The following RBFOX3 variants were observed in gnomAD, a reference collection of about 807,000 sequenced individuals.
The protein encoded by RBFOX3 is RNA binding protein fox-1 homolog 3.
A neutral mutation model predicts 48.7 loss-of-function variants in RBFOX3; 17 were observed. The observed-to-expected ratio is 0.35, with a 90% confidence interval of 0.24 to 0.52. The LOEUF (loss-of-function observed/expected upper bound fraction) is 0.52, where lower values mean the gene tolerates loss of function less well. RBFOX3 is among the 20% of genes least tolerant of loss of function. The pLI, the probability that RBFOX3 is intolerant of heterozygous loss-of-function variation, is 0.94. For synonymous variants in RBFOX3, 212 were observed against 209.5 expected (o/e 1.01, Z -0.10); for missense variants, 382 against 497.5 (o/e 0.77, Z 2.21).
intron 3 of RBFOX3, among the ~76,000 whole-genome samples, chr17:79,293,296 C>A (rs1454345204): frequency 1.3e-5 from 2 of 152,070 alleles, no homozygotes; most frequent in Non-Finnish European, 2.9e-5. Context: ...ACATCAAGAC[C>A]GATCTTTGCT....
chr17:79,294,946 C>T (rs546313637), intron 3 of RBFOX3, among the ~76,000 whole-genome samples: 146 of 152,290 alleles, frequency 9.6e-4, no homozygotes, highest in African/African-American at 3.3e-3. Context: ...GGAAGAGATT[C>T]TCTTTTGGGG....
intron 4 of RBFOX3, chr17:79,235,129 A>C (rs2061489352): frequency 1.3e-5 from 2 of 151,968 alleles, no homozygotes; most frequent in South Asian, 4.1e-4. Flanking sequence ...CTTGTATAAT[A>C]ATCTCCCCAA....
At position 79,212,908 on chromosome 17, in the gene RBFOX3, G is replaced by A. The variant is rs746999751; in HGVS notation, c.-34+22858C>T. On this transcript the variant is annotated intron_variant, in intron 4 of 14. Transcript: ENST00000693108. The surrounding 1 kb of genome is among the most constrained non-coding windows in gnomAD (Gnocchi z 4.7). ...CTGGCTCTGTTGCCCAGGCTGGAGT[G>A]CAGTGGCGCAATCTCAGATCACTGC... Among the ~76,000 whole-genome samples, 15 of 152,146 alleles carry A rather than the reference G, an allele frequency of 9.9e-5. No individual in the cohort carries two copies. Among genetic ancestry groups the A allele is most frequent in the Admixed American group, 2.6e-4 (4 of 15,290 alleles).
At chr17:79,314,697 G>A (rs1043891972) in intron 2 of RBFOX3, among the ~76,000 whole-genome samples, 5 of 152,194 alleles carry the variant, frequency 3.3e-5, no homozygotes, top group African/African-American at 9.7e-5. Flanking sequence ...TCAAAGAGGT[G>A]AGTTGCAGGA....
intron 3 of RBFOX3, among the ~76,000 whole-genome samples, chr17:79,296,527 G>C (rs2074362780): frequency 6.6e-6 from 1 of 152,130 alleles, no homozygotes; most frequent in African/African-American, 2.4e-5. Flanking sequence ...GACTGGAGGA[G>C]GGTAGCCCCA....
rs776797202 is a variant in RBFOX3 at position 79,220,736 on chromosome 17, T to C, written c.-34+15030A>G. 3.3e-5 allele frequency among the ~76,000 whole-genome samples: 5 copies of C among 151,450 alleles called. No individual in the cohort carries two copies. Among genetic ancestry groups the C allele is most frequent in the Non-Finnish European group, 5.9e-5 (4 of 67,842 alleles). On this transcript the variant is annotated intron_variant, in intron 4 of 14. Coordinates refer to ENST00000693108, the MANE Select transcript of RBFOX3 (RefSeq NM_001350451.2). This position sits in a 1 kb window ranked among gnomAD's most constrained non-coding sequence, Gnocchi z 5.9. ...CCTCTTGGCTTCAGAGGGTGGGAGATGAGATTTGGAAGGGCCAGAGAGGTG... is the reference window on the plus strand; with the variant it reads ...CCTCTTGGCTTCAGAGGGTGGGAGACGAGATTTGGAAGGGCCAGAGAGGTG...
chr17:79,258,191 G>A lies in RBFOX3; in HGVS notation c.-73-22386C>T, dbSNP rs572454694. 3.3e-5 allele frequency among the ~76,000 whole-genome samples: 5 copies of A among 152,278 alleles called. No homozygotes were observed. The South Asian group carries it at 6.2e-4, about 19-fold the overall frequency. On this transcript the variant is annotated intron_variant, in intron 3 of 14. Coordinates refer to ENST00000693108, the MANE Select transcript of RBFOX3 (RefSeq NM_001350451.2). ...TGCTAGACACTGGTTGGTCCTCCGC[G>A]GTGAATAGCTCAGCTAAACCAATCC...
At chr17:79,339,778 T>G (rs2081769772) in intron 2 of RBFOX3, among the ~76,000 whole-genome samples, 1 of 152,198 alleles carries the variant, frequency 6.6e-6, no homozygotes, top group South Asian at 2.1e-4. Context: ...GACAAGTCAC[T>G]CAAGTCCCTT....
chr17:79,554,211 C>CT (rs2143767364), intron 1 of RBFOX3, among the ~76,000 whole-genome samples: 1 of 152,288 alleles, frequency 6.6e-6, no homozygotes, highest in African/African-American at 2.4e-5. Context: ...CTTTTTCTAA[C>CT]TTTTTTGAAT....
intron 1 of RBFOX3, among the ~76,000 whole-genome samples, chr17:79,484,193 A>G (rs990567556): frequency 2.6e-5 from 4 of 152,176 alleles, no homozygotes; most frequent in African/African-American, 4.8e-5. Context: ...AACACACAAC[A>G]ATAATAAATC....
chr17:79,273,685 T>C (rs2068175187), intron 3 of RBFOX3, among the ~76,000 whole-genome samples: 1 of 152,128 alleles, frequency 6.6e-6, no homozygotes, highest in Non-Finnish European at 1.5e-5. Context: ...ACCACAGAGC[T>C]CAGCCCCATT....
chr17:79,292,182 G>T (rs1013902602), intron 3 of RBFOX3, among the ~76,000 whole-genome samples: 2 of 152,166 alleles, frequency 1.3e-5, no homozygotes, highest in Non-Finnish European at 2.9e-5. Flanking sequence ...GAAGCCAGGA[G>T]ATGCCTGGTG....
At chr17:79,339,152 T>C (rs576327705) in intron 2 of RBFOX3, among the ~76,000 whole-genome samples, 81 of 151,982 alleles carry the variant, frequency 5.3e-4, no homozygotes, top group Non-Finnish European at 3.8e-4. Context: ...TCTTCCAGGC[T>C]CAAGCAATCC....
At position 79,562,601 on chromosome 17, in the gene RBFOX3, C is replaced by T. The variant is rs1029159234; in HGVS notation, c.-320+48225G>A. On this transcript the variant is annotated intron_variant, in intron 1 of 14. Transcript: ENST00000693108. ...ATGCTAATTTTATACACATGACGTC[C>T]CCCGCAGCTTCTGAAAATACACATC... 3.5e-4 allele frequency among the ~76,000 whole-genome samples: 54 copies of T among 152,270 alleles called. 1 individual carries two copies. The Middle Eastern group carries it at 0.014, about 38-fold the overall frequency.
chr17:79,227,275 A>G (rs1847892141), intron 4 of RBFOX3, among the ~76,000 whole-genome samples: 1 of 152,248 alleles, frequency 6.6e-6, no homozygotes, highest in Non-Finnish European at 1.5e-5. Context: ...AGCGAGCCAG[A>G]GAACATCCAC....
At chr17:79,166,276 G>C (rs1227700255) in intron 4 of RBFOX3, among the ~76,000 whole-genome samples, 1 of 152,206 alleles carries the variant, frequency 6.6e-6, no homozygotes, top group Non-Finnish European at 1.5e-5. Context: ...CCTCCCGTGG[G>C]AGGGGAGCCT....
intron 2 of RBFOX3, among the ~76,000 whole-genome samples, chr17:79,358,327 C>T (rs901033406): frequency 1.3e-5 from 2 of 152,200 alleles, no homozygotes; most frequent in African/African-American, 4.8e-5. Flanking sequence ...TCTTCCCCTC[C>T]CCAGCACTGG....
chr17:79,472,343 A>G (rs2077157136), intron 2 of RBFOX3, among the ~76,000 whole-genome samples: 1 of 152,230 alleles, frequency 6.6e-6, no homozygotes, highest in Non-Finnish European at 1.5e-5. Context: ...GCACCCTTCT[A>G]TTATGGACTG....
At chr17:79,467,038 A>G (rs1568302087) in intron 2 of RBFOX3, among the ~76,000 whole-genome samples, 1 of 152,160 alleles carries the variant, frequency 6.6e-6, no homozygotes, top group Non-Finnish European at 1.5e-5. Context: ...ATATGCATGC[A>G]CTGCACACGT....
Sources: allele counts gnomAD v4.1 joint callset (sites outside exome capture counted in the v4.1 genomes callset), GRCh38; gene constraint gnomAD v4.1.1; non-coding constraint Gnocchi (gnomAD v3.1); transcripts MANE v1.5; gene names NCBI Gene and HGNC (gene_info 2026-07-23, HGNC 2026-07-21).